The following SRPX2 variants were observed in gnomAD, a reference collection of about 807,000 sequenced individuals.
SRPX2 encodes sushi repeat containing protein X-linked 2.
SRPX2 carries 26 observed loss-of-function variants against 45.3 expected under a neutral mutation model. That is an observed-to-expected ratio of 0.57 (90% confidence interval 0.42 to 0.80). The LOEUF (loss-of-function observed/expected upper bound fraction) is 0.80, where lower values mean the gene tolerates loss of function less well. Among genes scored for constraint, SRPX2 ranks in the 30% least tolerant of loss-of-function variants. The pLI is 0.00. For missense variants in SRPX2, 355 were observed against 399.8 expected (o/e 0.89, Z 0.95); for synonymous variants, 125 against 143.7 (o/e 0.87, Z 0.93).
At position 100,665,355 on chromosome X, in the gene SRPX2, T is replaced by C; in HGVS notation, c.645T>C (p.Asp215=). 2 of 1,210,367 alleles carry C rather than the reference T, an allele frequency of 1.7e-6. No individual in the cohort carries two copies. Among genetic ancestry groups the C allele is most frequent in the Non-Finnish European group, 2.2e-6 (2 of 894,720 alleles). ...WDPPLVKDSA[D]GTITRVTLRG... ...CACCGTTGGTGAAAGATTCTGCTGA[T>C]GGTACCATCACCAGGTGAGCCTGAA... The change falls in exon 6 of 11, where the codon GAT becomes GAC. Residue 215 remains aspartate (D), a synonymous_variant. Transcript: ENST00000373004.
chrX:100,667,558 G>A (rs1179004227), intron 9 of SRPX2, 151 bp downstream of exon 9: 2 of 760,867 alleles, frequency 2.6e-6, no homozygotes, highest in Non-Finnish European at 3.8e-6. Flanking sequence ...GACATATTTA[G>A]CACATTTAAA....
At chrX:100,659,289 C>G (rs1021994279) in intron 3 of SRPX2, among the ~76,000 whole-genome samples, 1 of 112,123 alleles carries the variant, frequency 8.9e-6, no homozygotes, top group African/African-American at 3.2e-5. Flanking sequence ...TCTTCTCCAG[C>G]CTTTCAACGT....
At chrX:100,666,954 G>A (rs748152413) in intron 8 of SRPX2, 21 bp downstream of exon 8, 2 of 1,199,914 alleles carry the variant, frequency 1.7e-6, no homozygotes, top group African/African-American at 3.5e-5. Context: ...CCGGGGAATG[G>A]GGCAAGTGGA....
chrX:100,651,964 T>C (rs2083155106), intron 3 of SRPX2, among the ~76,000 whole-genome samples: 1 of 111,811 alleles, frequency 8.9e-6, no homozygotes, highest in African/African-American at 3.3e-5. Context: ...ATATCCCTTC[T>C]ATTTCTGATT....
chrX:100,649,624 C>T (rs966132827), intron 2 of SRPX2: 15 of 112,390 alleles, frequency 1.3e-4, no homozygotes, highest in African/African-American at 4.8e-4. Flanking sequence ...CCCAATACCT[C>T]ACCTCCCCCA....
rs1455678580 is a variant in SRPX2, at chrX:100,674,686, T to G, written c.*3699T>G. 9.0e-6 allele frequency: 1 copy of G among 111,630 alleles called. No individual in the cohort carries two copies. The highest frequency in any genetic ancestry group is 2.8e-4 in the East Asian group (1 of 3,574). 9.2% of individuals were successfully genotyped at this position (111,630 alleles called of 1,213,427 possible). On this transcript the variant is annotated 3_prime_UTR_variant, in exon 11 of 11. Transcript: ENST00000373004. ...ACCACTGTGGCTGCCCTTAATCCAG[T>G]GTGCTTATAGGAAATCAGTTAGCAG...
Position 100,662,264 on chromosome X carries a change from C to A in SRPX2, c.252C>A (p.Gly84=). The change falls in exon 4 of 11, where the codon GGC becomes GGA. Residue 84 remains glycine (G), a synonymous_variant. Transcript: ENST00000373004. ...GAGGAAATTATCACAGCAGCCTGGG[C>A]ACGCGTTGTGAGCTCTCCTGTGACC... ...PKGGNYHSSL[G]TRCELSCDRG... The A allele has an allele frequency of 8.3e-7, 1 of 1,211,876 alleles. No homozygotes were observed. The highest frequency in any genetic ancestry group is 3.0e-5 in the East Asian group (1 of 33,841).
intron 3 of SRPX2, among the ~76,000 whole-genome samples, chrX:100,660,012 T>C (rs2083182297): frequency 9.0e-6 from 1 of 111,304 alleles, no homozygotes; most frequent in Non-Finnish European, 1.9e-5. Context: ...GATGCCTTTA[T>C]GATTTAACAG....
At chrX:100,648,315 G>A (rs1199906111) in intron 2 of SRPX2, among the ~76,000 whole-genome samples, 1 of 111,894 alleles carries the variant, frequency 8.9e-6, no homozygotes, top group African/African-American at 3.2e-5. Context: ...TCAATTACAT[G>A]TCTAACTATA....
In SRPX2 at chrX:100,664,947, G is replaced by T; in HGVS notation, c.529G>T (p.Val177Leu). The T allele has an allele frequency of 1.7e-6, 2 of 1,210,392 alleles. No homozygotes were observed. Among genetic ancestry groups the T allele is most frequent in the Middle Eastern group, 2.7e-4 (1 of 3,665 alleles). Residue 177 changes from valine (V) to leucine (L), a missense_variant, in exon 5 of 11, where the codon GTA (valine) becomes TTA (leucine). Transcript: ENST00000373004. ...GRWSGGEPVC[V>L]DIDPPKIRCP... ...ATGGAGTGGAGGCGAGCCTGTATGT[G>T]TAGGTAAATGCTGGTTGCTCCCAGT...
chrX:100,667,888 T>C (rs981772620), intron 9 of SRPX2, among the ~76,000 whole-genome samples: 4 of 111,870 alleles, frequency 3.6e-5, no homozygotes, highest in African/African-American at 1.3e-4. Flanking sequence ...AGGAAACTGA[T>C]GCATAGAGAT....
chrX:100,654,273 G>A (rs1033230114), intron 3 of SRPX2, among the ~76,000 whole-genome samples: 6 of 111,964 alleles, frequency 5.4e-5, no homozygotes, highest in Non-Finnish European at 1.1e-4. Context: ...TAGTCTCAGG[G>A]CATAAAATGA....
Position 100,664,780 on chromosome X carries a change from G to A in SRPX2, c.362G>A (p.Arg121Lys), listed in dbSNP as rs137962142. 25 of 1,202,901 alleles carry A rather than the reference G, an allele frequency of 2.1e-5. No individual in the cohort carries two copies. The highest frequency in any genetic ancestry group is 2.7e-5 in the Non-Finnish European group (24 of 891,559). The change falls in exon 5 of 11, where the codon AGA becomes AAA. Residue 121 changes from arginine to lysine, a missense_variant. Transcript: ENST00000373004. ...WSGTAYCRQM[R>K]CHALPFITSG... ...CCACTTGGTTTTCTCTTAGAGATGAGATGCCACGCACTACCATTCATCACT... is the reference window on the plus strand; with the variant it reads ...CCACTTGGTTTTCTCTTAGAGATGAAATGCCACGCACTACCATTCATCACT...
chrX:100,662,290 G>C lies in SRPX2; in HGVS notation c.278G>C (p.Arg93Pro). 1 of 1,211,779 alleles carries C rather than the reference G, an allele frequency of 8.3e-7. No homozygotes were observed. The highest frequency in any genetic ancestry group is 1.1e-6 in the Non-Finnish European group (1 of 895,554). ...ACGCGTTGTGAGCTCTCCTGTGACCGGGGCTTTCGATTGATTGGAAGGAGG... is the reference window on the plus strand; with the variant it reads ...ACGCGTTGTGAGCTCTCCTGTGACCCGGGCTTTCGATTGATTGGAAGGAGG... ...LGTRCELSCD[R>P]GFRLIGRRSV... The change falls in exon 4 of 11, where the codon CGG (arginine) becomes CCG (proline). Residue 93 changes from arginine (R) to proline (P), a missense_variant. Arg to Pro is a moderately radical substitution (Grantham distance 103). Transcript: ENST00000373004.
intron 1 of SRPX2, 126 bp from the exon 2 acceptor site, chrX:100,646,067 T>C (rs1004757622): frequency 1.3e-5 from 5 of 372,306 alleles, no homozygotes; most frequent in African/African-American, 1.3e-4. Flanking sequence ...ATCCTCCTCC[T>C]CCTGGGAGGA....
At chrX:100,646,169 T>C (rs1421734240) in intron 1 of SRPX2, 24 bp from the exon 2 acceptor site, 2 of 501,741 alleles carry the variant, frequency 4.0e-6, no homozygotes, top group Non-Finnish European at 7.0e-6. Flanking sequence ...TCATTAATTA[T>C]AAAATCTCTC....
chrX:100,666,722 C>T, intron 7 of SRPX2, 32 bp from the exon 8 acceptor site: 3 of 1,211,013 alleles, frequency 2.5e-6, no homozygotes, highest in African/African-American at 1.7e-5. Flanking sequence ...TAAGAAACAC[C>T]ATAACTTCTA....
At chrX:100,654,010 A>T (rs1467965325) in intron 3 of SRPX2, among the ~76,000 whole-genome samples, 1 of 112,435 alleles carries the variant, frequency 8.9e-6, no homozygotes, top group Non-Finnish European at 1.9e-5. Flanking sequence ...TCACAGAGCC[A>T]TGGTAAAAAG....
chrX:100,659,576 TAA>T lies in SRPX2; in HGVS notation c.164-2597_164-2596del, dbSNP rs771401458. ...TCAACAGCTCTGCAACTGTAGTGCT[TAA>T]AAGACTTTCTGTAATTTGGAGATGG... is the stretch of plus-strand genomic sequence containing the variant. On this transcript the variant is annotated intron_variant, in intron 3 of 10. Transcript: ENST00000373004. 3.6e-5 allele frequency among the ~76,000 whole-genome samples: 4 copies of T among 111,499 alleles called. No homozygotes were observed. The East Asian group carries it at 8.4e-4, about 23-fold the overall frequency.
Sources: gnomAD v4.1 joint callset for allele counts (sites outside exome capture counted in the v4.1 genomes callset) on GRCh38, gnomAD v4.1.1 for gene constraint, MANE v1.5 for transcripts, NCBI Gene and HGNC (gene_info 2026-07-23, HGNC 2026-07-21) for gene names.